The following UQCC1 variants were observed in gnomAD, a reference collection of about 807,000 sequenced individuals.
The protein encoded by UQCC1 is ubiquinol-cytochrome c reductase complex assembly factor 1, also known as bFGF-repressed Zic-binding protein.
UQCC1 carries 38 observed loss-of-function variants against 48.0 expected under a neutral mutation model. The ratio of observed to expected loss-of-function variants is 0.79; its 90% CI spans 0.61 to 1.04. The LOEUF (loss-of-function observed/expected upper bound fraction) is 1.04, where lower values mean the gene tolerates loss of function less well. Ranked by LOEUF, UQCC1 falls within the 50% of genes least tolerant of loss-of-function variation. The probability of loss-of-function intolerance (pLI) is 0.00; values close to 1 mark genes in which losing one functional copy is unlikely to be tolerated. For synonymous variants in UQCC1, 111 were observed against 129.2 expected, an observed-to-expected ratio of 0.86 and a Z score of 0.95; for missense variants, 368 against 381.8, an observed-to-expected ratio of 0.96 and a Z score of 0.30.
intron 4 of UQCC1, among the ~76,000 whole-genome samples, chr20:35,376,522 A>G (rs1255107365): frequency 6.6e-6 from 1 of 152,196 alleles, no homozygotes; most frequent in African/African-American, 2.4e-5. Context: ...TCCTTGAAAG[A>G]TACAAACTAT....
At chr20:35,333,114 C>T (rs374765075) in intron 7 of UQCC1, among the ~76,000 whole-genome samples, 1 of 151,928 alleles carries the variant, frequency 6.6e-6, no homozygotes, top group East Asian at 1.9e-4. Flanking sequence ...CCAAAAGAGC[C>T]AATTTTTTTT....
intron 7 of UQCC1, among the ~76,000 whole-genome samples, chr20:35,318,629 CA>C (rs1374274628): frequency 6.6e-6 from 1 of 152,206 alleles, no homozygotes. Context: ...GGCAAACTGC[CA>C]CAGCTAGAAA....
chr20:35,382,076 T>C (rs1240528166), intron 3 of UQCC1, 51 bp from the exon 4 acceptor site: 2 of 1,192,016 alleles, frequency 1.7e-6, no homozygotes, highest in Admixed American at 4.0e-5. Context: ...AAATTTTTAA[T>C]AGAATGCTTT....
intron 7 of UQCC1, among the ~76,000 whole-genome samples, chr20:35,331,264 AAC>A (rs1017334236): frequency 1.3e-5 from 2 of 152,156 alleles, no homozygotes; most frequent in African/African-American, 4.8e-5. Context: ...GAAAGGGGGC[AAC>A]ACACACAGTT....
At chr20:35,377,782 A>T (rs1246351865) in intron 4 of UQCC1, among the ~76,000 whole-genome samples, 4 of 152,238 alleles carry the variant, frequency 2.6e-5, no homozygotes, top group Admixed American at 2.6e-4. Flanking sequence ...CCAAGGCCCA[A>T]GTCTTTCCTT....
intron 2 of UQCC1, among the ~76,000 whole-genome samples, chr20:35,391,222 TAAAG>T (rs1362367094): frequency 1.3e-5 from 2 of 149,972 alleles, no homozygotes; most frequent in Admixed American, 1.3e-4. Context: ...TAAAAGAAAA[TAAAG>T]AAAAAAGAAA....
At chr20:35,321,935 A>C (rs750150118) in intron 7 of UQCC1, among the ~76,000 whole-genome samples, 1 of 152,202 alleles carries the variant, frequency 6.6e-6, no homozygotes, top group Non-Finnish European at 1.5e-5. Context: ...CAGAAATTCT[A>C]GTCATTTGTC....
intron 7 of UQCC1, among the ~76,000 whole-genome samples, chr20:35,334,592 A>C (rs1169033477): frequency 6.6e-6 from 1 of 152,182 alleles, no homozygotes; most frequent in Non-Finnish European, 1.5e-5. Context: ...AAAACATTAT[A>C]ATTTCTTAAT....
At chr20:35,352,843 C>T (rs576499839) in intron 6 of UQCC1, among the ~76,000 whole-genome samples, 4 of 152,146 alleles carry the variant, frequency 2.6e-5, no homozygotes, top group African/African-American at 7.2e-5. Context: ...CCACTGAGCC[C>T]GGCTAATTTT....
chr20:35,386,325 C>T (rs1244390445), intron 2 of UQCC1: 1 of 455,952 alleles, frequency 2.2e-6, no homozygotes, highest in Non-Finnish European at 4.4e-6. Context: ...GCTGACTCTT[C>T]AATTCTGGTT....
intron 6 of UQCC1, among the ~76,000 whole-genome samples, chr20:35,359,221 C>T (rs1340641525): frequency 6.6e-6 from 1 of 152,164 alleles, no homozygotes; most frequent in Non-Finnish European, 1.5e-5. Context: ...TACATTCATT[C>T]TGTCTCTCAG....
At chr20:35,350,033 T>C (rs1674798916) in intron 6 of UQCC1, among the ~76,000 whole-genome samples, 1 of 151,336 alleles carries the variant, frequency 6.6e-6, no homozygotes, top group Admixed American at 6.6e-5. Flanking sequence ...ACCAAAGAGT[T>C]AGAATCAGAA....
intron 7 of UQCC1, among the ~76,000 whole-genome samples, chr20:35,343,248 G>A (rs2061400030): frequency 6.6e-6 from 1 of 151,478 alleles, no homozygotes; most frequent in East Asian, 1.9e-4. Context: ...AGATTTTCAA[G>A]CTGAAAAAAA....
At chr20:35,351,874 G>A (rs1205914080) in intron 6 of UQCC1, among the ~76,000 whole-genome samples, 1 of 152,226 alleles carries the variant, frequency 6.6e-6, no homozygotes. Context: ...TCAAAATGGT[G>A]ACTGACAATT....
At chr20:35,358,862 A>G (rs565923022) in intron 6 of UQCC1, among the ~76,000 whole-genome samples, 23 of 152,112 alleles carry the variant, frequency 1.5e-4, no homozygotes, top group Non-Finnish European at 2.1e-4. Context: ...GCCTGGCCTG[A>G]TGATGTTCTT....
intron 1 of UQCC1, among the ~76,000 whole-genome samples, chr20:35,408,208 C>T (rs373980243): frequency 6.6e-6 from 1 of 152,060 alleles, no homozygotes; most frequent in Non-Finnish European, 1.5e-5. Flanking sequence ...GCAGGAGTAT[C>T]ACTTAAACTC....
chr20:35,365,550 G>A (rs974344482), intron 6 of UQCC1, among the ~76,000 whole-genome samples: 4 of 151,640 alleles, frequency 2.6e-5, no homozygotes, highest in Admixed American at 1.3e-4. Flanking sequence ...CCAGCTACTC[G>A]GAGGGCTGAG....
At chr20:35,392,837 T>G (rs559119645) in intron 2 of UQCC1, among the ~76,000 whole-genome samples, 5 of 151,678 alleles carry the variant, frequency 3.3e-5, no homozygotes, top group East Asian at 3.9e-4. Context: ...TAATTACATA[T>G]AGCAAACATA....
intron 9 of UQCC1, 76 bp from the exon 10 acceptor site, chr20:35,304,145 TC>T: frequency 6.3e-7 from 1 of 1,593,764 alleles, no homozygotes; most frequent in Non-Finnish European, 8.6e-7. Flanking sequence ...GGAACCAGCC[TC>T]CCAGAGGAGA....
Sources: gnomAD v4.1 joint callset for allele counts (sites outside exome capture counted in the v4.1 genomes callset) on GRCh38, gnomAD v4.1.1 for gene constraint, MANE v1.5 for transcripts, NCBI Gene and HGNC (gene_info 2026-07-23, HGNC 2026-07-21) for gene names.